The following DST variants were observed in gnomAD, a reference collection of about 807,000 sequenced individuals.
DST encodes the protein dystonin, also known as bullous pemphigoid antigen.
Under a neutral mutation model 875.2 loss-of-function variants are expected in DST, and 253 were observed. The observed-to-expected ratio is 0.29, with a 90% CI of 0.26 to 0.32. The LOEUF (loss-of-function observed/expected upper bound fraction) is 0.32, where lower values mean the gene tolerates loss of function less well. Ranked by LOEUF, DST falls within the 10% of genes least tolerant of loss-of-function variation. The probability of loss-of-function intolerance (pLI) is 1.00; values close to 1 mark genes in which losing one functional copy is unlikely to be tolerated. For synonymous variants in DST, 3,124 were observed against 3,197.1 expected, an observed-to-expected ratio of 0.98 and a Z score of 0.77; for missense variants, 8,287 against 9,111.6, an observed-to-expected ratio of 0.91 and a Z score of 3.68.
chr6:56,823,460 G>C (rs568794770), intron 4 of DST, among the ~76,000 whole-genome samples: 17 of 152,192 alleles, frequency 1.1e-4, no homozygotes, highest in Admixed American at 7.2e-4. Context: ...TGGCAGGCTG[G>C]AGTGCAGTGC....
chr6:56,761,871 G>T (rs1265686363), intron 4 of DST, among the ~76,000 whole-genome samples: 1 of 152,278 alleles, frequency 6.6e-6, no homozygotes, highest in East Asian at 1.9e-4. Flanking sequence ...CTTGATTTAT[G>T]AATCTGAATA....
At position 56,813,062 on chromosome 6, in the gene DST, G is replaced by T. The variant is rs376343782; in HGVS notation, c.625+38335C>A. ...TGGAATACTATGCAGCCATAAAAAAGGATGAGTTCATGTCCTTTGTAGGGA... is the reference window on the plus strand; with the variant it reads ...TGGAATACTATGCAGCCATAAAAAATGATGAGTTCATGTCCTTTGTAGGGA... On this transcript the variant is annotated intron_variant, in intron 4 of 103. Transcript: ENST00000680361. Among the ~76,000 whole-genome samples, 476 of 152,014 alleles carry T rather than the reference G, an allele frequency of 3.1e-3. 3 individuals are homozygous for T. The highest frequency in any genetic ancestry group is 5.7e-3 in the Non-Finnish European group (387 of 67,984).
chr6:56,917,296 T>G (rs986396625), intron 2 of DST, among the ~76,000 whole-genome samples: 1 of 152,232 alleles, frequency 6.6e-6, no homozygotes. Context: ...AATCTTCTGA[T>G]AATTTATGCT....
chr6:56,941,094 T>C (rs1435276102), intron 2 of DST, among the ~76,000 whole-genome samples: 2 of 152,108 alleles, frequency 1.3e-5, no homozygotes, highest in Non-Finnish European at 2.9e-5. Flanking sequence ...AGTTTGCTTT[T>C]CCCCCCAACA....
chr6:56,470,501 G>GT (rs1225792752), intron 95 of DST, among the ~76,000 whole-genome samples: 1 of 151,872 alleles, frequency 6.6e-6, no homozygotes, highest in South Asian at 2.1e-4. Flanking sequence ...ATAAAATGCT[G>GT]TTTTTTTAGG....
intron 80 of DST, among the ~76,000 whole-genome samples, chr6:56,500,740 T>TA: frequency 6.6e-6 from 1 of 152,206 alleles, no homozygotes; most frequent in South Asian, 2.1e-4. Flanking sequence ...CTAACAACTT[T>TA]AAAAAATAGG....
At chr6:56,814,706 T>C (rs965812571) in intron 4 of DST, among the ~76,000 whole-genome samples, 4 of 152,180 alleles carry the variant, frequency 2.6e-5, no homozygotes, top group African/African-American at 7.2e-5. Flanking sequence ...ATGAACTCTC[T>C]ACTCTTAAGA....
chr6:56,550,924 C>T (rs923903954), intron 61 of DST, among the ~76,000 whole-genome samples: 10 of 152,132 alleles, frequency 6.6e-5, no homozygotes, highest in Non-Finnish European at 1.3e-4. Context: ...AGGATTCTCT[C>T]ACGTGAAATC....
intron 85 of DST, 35 bp downstream of exon 85, chr6:56,492,192 G>T: frequency 6.4e-7 from 1 of 1,570,358 alleles, no homozygotes; most frequent in Non-Finnish European, 8.8e-7. Context: ...GTGGTTTATT[G>T]ACAAGTTCAG....
chr6:56,858,691 A>G (rs1343690000), intron 3 of DST, among the ~76,000 whole-genome samples: 2 of 152,192 alleles, frequency 1.3e-5, no homozygotes, highest in African/African-American at 2.4e-5. Flanking sequence ...TCAGTTCCCA[A>G]TAGGGATATC....
intron 2 of DST, among the ~76,000 whole-genome samples, chr6:56,950,165 T>C (rs1821615233): frequency 6.6e-6 from 1 of 152,144 alleles, no homozygotes; most frequent in East Asian, 1.9e-4. Flanking sequence ...GTTATGTGAG[T>C]CTTTGGGAAC....
chr6:56,920,456 C>A (rs546915071), intron 2 of DST, among the ~76,000 whole-genome samples: 1 of 152,140 alleles, frequency 6.6e-6, no homozygotes, highest in African/African-American at 2.4e-5. Context: ...GCTCACCATG[C>A]GCCCAGCTAC....
At chr6:56,655,767 G>A (rs577554863) in intron 10 of DST, among the ~76,000 whole-genome samples, 73 of 152,202 alleles carry the variant, frequency 4.8e-4, no homozygotes, top group Middle Eastern at 3.4e-3. Flanking sequence ...TGGCCAACTC[G>A]AATTCTTTCA....
chr6:56,627,888 C>A, intron 33 of DST, 111 bp downstream of exon 33: 1 of 1,012,070 alleles, frequency 9.9e-7, no homozygotes, highest in Non-Finnish European at 1.5e-6. Context: ...ATACTCTCCA[C>A]CTTCCTCTAA....
intron 4 of DST, among the ~76,000 whole-genome samples, chr6:56,786,932 G>C (rs761338891): frequency 6.6e-6 from 1 of 152,202 alleles, no homozygotes; most frequent in Non-Finnish European, 1.5e-5. Flanking sequence ...GGGCAATGTG[G>C]TTCCTTTTTA....
At position 56,561,491 on chromosome 6, in the gene DST, G is replaced by A. The variant is rs1584953803; in HGVS notation, c.14127C>T (p.Gly4709=). Residue 4709 remains glycine (G), a synonymous_variant, in exon 57 of 104, where the codon GGC becomes GGT. Transcript: ENST00000680361. ...TDISHGYEDL[G]LLLKDKIAEL... ...CCGCTATTTTGTCCTTGAGTAAGAG[G>A]CCAAGATCTTCATAACCATGACTTA... The A allele has an allele frequency of 1.2e-6, 2 of 1,613,744 alleles. No homozygotes were observed. Among genetic ancestry groups the A allele is most frequent in the Non-Finnish European group, 8.5e-7 (1 of 1,179,744 alleles).
Position 56,920,755 on chromosome 6 carries a change from G to T in DST, c.217-20134C>A, listed in dbSNP as rs541212942. ...TTTTTTTTTTTTTTTTTGAGACAAG[G>T]TCTTGCTCTGTCACCCAGGCTGGAG... On this transcript the variant is annotated intron_variant, in intron 2 of 103. Coordinates refer to ENST00000680361, the MANE Select transcript of DST (RefSeq NM_001374736.1). 1.7e-3 allele frequency among the ~76,000 whole-genome samples: 239 copies of T among 140,922 alleles called. 1 individual carries two copies. The highest frequency in any genetic ancestry group is 6.3e-3 in the African/African-American group (230 of 36,788). 92.5% of individuals were successfully genotyped at this position (140,922 alleles called of 152,430 possible).
chr6:56,535,102 C>A lies in DST; in HGVS notation c.16941+20G>T. ...TTAAGATTTAATATGAAACGCAATA[C>A]AAAAGCATGACTAACTTACCTTTTG... On this transcript the variant is annotated intron_variant, in intron 63 of 103. Coordinates refer to ENST00000680361, the MANE Select transcript of DST (RefSeq NM_001374736.1). 6 of 1,609,838 alleles carry A rather than the reference C, an allele frequency of 3.7e-6. No homozygotes were observed. The highest frequency in any genetic ancestry group is 5.1e-6 in the Non-Finnish European group (6 of 1,178,828).
intron 102 of DST, chr6:56,460,842 C>A (rs2094291624): frequency 6.6e-6 from 1 of 152,174 alleles, no homozygotes; most frequent in Non-Finnish European, 1.5e-5. Flanking sequence ...GGCTCTATCA[C>A]TTCTACAGTC....
Sources: allele counts gnomAD v4.1 joint callset (sites outside exome capture counted in the v4.1 genomes callset), GRCh38; gene constraint gnomAD v4.1.1; transcripts MANE v1.5; gene names NCBI Gene and HGNC (gene_info 2026-07-23, HGNC 2026-07-21).